Variants in ATP12A observed in about 807,000 individuals in gnomAD.
ATP12A encodes ATPase H+/K+ transporting non-gastric alpha2 subunit.
In ATP12A, 81 loss-of-function variants were observed where a neutral mutation model predicts 111.2. The ratio of observed to expected loss-of-function variants is 0.73; its 90% CI spans 0.61 to 0.88. The LOEUF is 0.88. Among genes scored for constraint, ATP12A ranks in the 40% least tolerant of loss-of-function variants. The pLI is 0.00. For missense variants in ATP12A, 1,196 were observed against 1,313.1 expected (o/e 0.91, Z 1.38); for synonymous variants, 498 against 499.8 (o/e 1.00, Z 0.05).
At position 24,694,595 on chromosome 13, in the gene ATP12A, A is replaced by G. The variant is rs1462407461; in HGVS notation, c.1512+17A>G. On this transcript the variant is annotated intron_variant, in intron 11 of 22. Transcript: ENST00000381946. ...AAATTTCAGGTGAGTTTTTCCTCAC[A>G]ACCGGTAATCTCTGTCATCGGCAGC... 1 of 1,612,192 alleles carries G rather than the reference A, an allele frequency of 6.2e-7. No homozygotes were observed. The highest frequency in any genetic ancestry group is 1.7e-5 in the Admixed American group (1 of 59,974).
intron 11 of ATP12A, among the ~76,000 whole-genome samples, chr13:24,697,301 TA>T (rs1875207290): frequency 6.6e-6 from 1 of 152,158 alleles, no homozygotes; most frequent in Admixed American, 6.5e-5. Flanking sequence ...GTACATACCA[TA>T]AAAGTGTTTC....
chr13:24,681,940 G>T (rs12869677), intron 2 of ATP12A, among the ~76,000 whole-genome samples: 5,649 of 135,832 alleles, frequency 0.042, 413 homozygotes, highest in African/African-American at 0.15. Context: ...TGTAGTGTGT[G>T]GTGTGTGTGT....
chr13:24,710,852 T>C lies in ATP12A; in HGVS notation c.2958T>C (p.Tyr986=), dbSNP rs1875935027. 1.2e-6 allele frequency: 2 copies of C among 1,614,240 alleles called. No individual in the cohort carries two copies. The highest frequency in any genetic ancestry group is 1.7e-6 in the Non-Finnish European group (2 of 1,180,042). ...SQIIIGLILS[Y]GLGSVTALSF... is the part of the protein sequence containing the mutation. ...TCATCATTGGTCTGATCCTCTCCTA[T>C]GGCCTCGGAAGTGTCACAGCCTTGA... The change falls in exon 21 of 23, where the codon TAT becomes TAC. Residue 986 remains tyrosine, a synonymous_variant. Coordinates refer to ENST00000381946, the MANE Select transcript of ATP12A (RefSeq NM_001676.7).
chr13:24,689,161 G>A (rs2070810), intron 4 of ATP12A, 101 bp from the exon 5 acceptor site: 286,599 of 871,356 alleles, frequency 0.33, 51,467 homozygotes, highest in East Asian at 0.56. Context: ...ATACCAGGGC[G>A]TAACTGCCAG....
chr13:24,707,076 G>A lies in ATP12A; in HGVS notation c.2223G>A (p.Lys741=), dbSNP rs756953376. The change falls in exon 16 of 23, where the codon AAG becomes AAA. Residue 741 remains lysine (K), a synonymous_variant. Coordinates refer to ENST00000381946, the MANE Select transcript of ATP12A (RefSeq NM_001676.7). The part of the protein sequence containing the change: ...GDGVNDSPAL[K]KADIGIAMGI... Reference sequence around the variant, plus strand: ...GAGTTAATGACTCTCCGGCTCTAAAGAAGGCAGACATTGGGATTGCCATGG... The same window carrying A: ...GAGTTAATGACTCTCCGGCTCTAAAAAAGGCAGACATTGGGATTGCCATGG... 1 of 1,614,036 alleles carries A rather than the reference G, an allele frequency of 6.2e-7. No homozygotes were observed.
chr13:24,711,776 G>A lies in ATP12A; in HGVS notation c.*254G>A, dbSNP rs10507338. On this transcript the variant is annotated 3_prime_UTR_variant, in exon 23 of 23. Coordinates refer to ENST00000381946, the MANE Select transcript of ATP12A (RefSeq NM_001676.7). ...AAAATACGTACATTTCGAGGTAATG[G>A]TATAGGGAAGAATGTGTTTATGTGT... 50,987 of 559,442 alleles carry A rather than the reference G, an allele frequency of 0.091. 2,503 individuals are homozygous for A. Among genetic ancestry groups the A allele is most frequent in the South Asian group, 0.14 (6,637 of 48,414 alleles). The allele number at this position is 559,442 out of a possible 1,614,324, so 34.7% of individuals were successfully genotyped here.
In ATP12A at chr13:24,700,739, T is replaced by C. The variant is rs374431162; in HGVS notation, c.1706-8T>C. 2.5e-6 allele frequency: 4 copies of C among 1,612,738 alleles called. No individual in the cohort carries two copies. Among genetic ancestry groups the C allele is most frequent in the African/African-American group, 2.7e-5 (2 of 74,896 alleles). On this transcript the variant is annotated splice_polypyrimidine_tract_variant and splice_region_variant and intron_variant, in intron 12 of 22. Transcript: ENST00000381946. ...TTTCACTGACTCACTAATTCATCTG[T>C]ATTACAGGTTTCTGTCATCTCTACC...
chr13:24,709,016 T>C (rs1438836298), intron 17 of ATP12A, among the ~76,000 whole-genome samples: 1 of 152,022 alleles, frequency 6.6e-6, no homozygotes, highest in Non-Finnish European at 1.5e-5. Flanking sequence ...CCAGTCCTCC[T>C]GAATTGGGAA....
chr13:24,687,687 G>C (rs1326357536), intron 3 of ATP12A, among the ~76,000 whole-genome samples: 1 of 152,220 alleles, frequency 6.6e-6, no homozygotes, highest in African/African-American at 2.4e-5. Flanking sequence ...CTGTCAAGAT[G>C]AATGAGAACT....
intron 12 of ATP12A, among the ~76,000 whole-genome samples, chr13:24,699,445 A>G (rs1284932277): frequency 6.6e-6 from 1 of 152,192 alleles, no homozygotes; most frequent in East Asian, 1.9e-4. Context: ...AGAGATGCAC[A>G]TCTCCATAGG....
intron 17 of ATP12A, among the ~76,000 whole-genome samples, chr13:24,708,598 C>G (rs904800356): frequency 4.6e-5 from 7 of 152,086 alleles, no homozygotes; most frequent in African/African-American, 1.7e-4. Flanking sequence ...CATGCACACT[C>G]TGGGCACTGG....
At chr13:24,689,760 A>G (rs75338624) in intron 5 of ATP12A, among the ~76,000 whole-genome samples, 3,511 of 152,222 alleles carry the variant, frequency 0.023, 131 homozygotes, top group African/African-American at 0.079. Context: ...TTGGTGGGGA[A>G]GCCCAGTGCT....
At chr13:24,689,905 C>T (rs763369252) in intron 5 of ATP12A, among the ~76,000 whole-genome samples, 2 of 152,076 alleles carry the variant, frequency 1.3e-5, no homozygotes, top group Non-Finnish European at 2.9e-5. Context: ...TAAAATTTCC[C>T]TGACACTCGC....
chr13:24,688,409 T>C lies in ATP12A; in HGVS notation c.319T>C (p.Phe107Leu). ...CAAGCAGACGCCTGAGATCGTCAAG[T>C]TCCTCAAGCAGATGGTGGGGGGGTT... The part of the protein sequence containing the change: ...PPKQTPEIVK[F>L]LKQMVGGFSI... The change falls in exon 4 of 23, where the codon TTC becomes CTC. Residue 107 changes from phenylalanine to leucine, a missense_variant. This residue lies in a region of ATP12A where 1,126 missense variants were observed against 1,228.5 expected (regional missense o/e 0.92). Coordinates refer to ENST00000381946, the MANE Select transcript of ATP12A (RefSeq NM_001676.7). 1 of 1,614,094 alleles carries C rather than the reference T, an allele frequency of 6.2e-7. No homozygotes were observed. The highest frequency in any genetic ancestry group is 8.5e-7 in the Non-Finnish European group (1 of 1,180,006).
In ATP12A at chr13:24,711,305, C is replaced by G. The variant is rs1445579769; in HGVS notation, c.3000-13C>G. The G allele has an allele frequency of 1.3e-6, 2 of 1,586,414 alleles. No homozygotes were observed. The highest frequency in any genetic ancestry group is 3.5e-5 in the Admixed American group (2 of 56,660). On this transcript the variant is annotated splice_polypyrimidine_tract_variant and intron_variant, in intron 21 of 22. Transcript: ENST00000381946. ...GATGAGTCAGGGTTCACTTTCCATC[C>G]CTTTGCTTCCAGGGCTCAGTACTGG...
chr13:24,709,899 A>G lies in ATP12A; in HGVS notation c.2763+71A>G, dbSNP rs938328636. The G allele has an allele frequency of 4.4e-6, 7 of 1,584,228 alleles. No homozygotes were observed. In the South Asian group the frequency reaches 5.6e-5, roughly 13 times the overall value. On this transcript the variant is annotated intron_variant, in intron 19 of 22. Transcript: ENST00000381946. The stretch of plus-strand genomic sequence containing the variant: ...TGCTCATTGCCCTGCGCAGAATTAC[A>G]TAGAACCTCCATGTCCCTGAACAGC...
chr13:24,689,669 T>C (rs1425519139), intron 5 of ATP12A, among the ~76,000 whole-genome samples: 1 of 151,754 alleles, frequency 6.6e-6, no homozygotes. Flanking sequence ...GGTCAGGGAG[T>C]GTTCTTTCAC....
chr13:24,693,546 A>G (rs1875000756), intron 10 of ATP12A, among the ~76,000 whole-genome samples: 1 of 152,140 alleles, frequency 6.6e-6, no homozygotes. Context: ...ATATCTTCCA[A>G]ATCTTTATGT....
At chr13:24,698,317 G>A (rs542550297) in intron 11 of ATP12A, among the ~76,000 whole-genome samples, 5 of 152,248 alleles carry the variant, frequency 3.3e-5, no homozygotes, top group Non-Finnish European at 7.4e-5. Context: ...GGGAGGTAGA[G>A]GAGGTGAGAT....
Sources: gnomAD v4.1 joint callset for allele counts (sites outside exome capture counted in the v4.1 genomes callset) on GRCh38, gnomAD v4.1.1 for gene constraint, gnomAD v4.1.1 regional missense constraint, MANE v1.5 for transcripts, NCBI Gene and HGNC (gene_info 2026-07-23, HGNC 2026-07-21) for gene names.